SLMAP: variants seen among roughly 807,000 people sequenced by gnomAD.
SLMAP encodes sarcolemmal membrane-associated protein.
In SLMAP, 44 loss-of-function variants were observed where a neutral mutation model predicts 128.8. That is an observed-to-expected ratio of 0.34 (90% CI 0.27 to 0.44). SLMAP has a LOEUF of 0.44. SLMAP is among the 20% of genes least tolerant of loss of function. The probability of loss-of-function intolerance (pLI) is 1.00; values close to 1 mark genes in which losing one functional copy is unlikely to be tolerated. For synonymous variants in SLMAP, 327 were observed against 348.8 expected (o/e 0.94, Z 0.70); for missense variants, 787 against 985.3 (o/e 0.80, Z 2.69).
chr3:57,822,902 T>C (rs1303983118), intron 2 of SLMAP, among the ~76,000 whole-genome samples: 3 of 152,172 alleles, frequency 2.0e-5, no homozygotes, highest in Non-Finnish European at 4.4e-5. Context: ...TAACAGAGAC[T>C]TCAGTGACCA....
chr3:57,800,299 A>T (rs767842604), intron 2 of SLMAP, among the ~76,000 whole-genome samples: 3 of 152,098 alleles, frequency 2.0e-5, no homozygotes, highest in Non-Finnish European at 4.4e-5. Context: ...AGCTGGGATT[A>T]CAGGCATCCA....
At chr3:57,867,543 G>T (rs1418990130) in intron 13 of SLMAP, among the ~76,000 whole-genome samples, 1 of 152,010 alleles carries the variant, frequency 6.6e-6, no homozygotes, top group Non-Finnish European at 1.5e-5. Context: ...TTGAGTTACG[G>T]TATGATAGTG....
chr3:57,915,259 A>C (rs1255149363), intron 21 of SLMAP, among the ~76,000 whole-genome samples: 1 of 152,184 alleles, frequency 6.6e-6, no homozygotes, highest in African/African-American at 2.4e-5. Flanking sequence ...TACTGTTTTC[A>C]ATTATTTCAA....
chr3:57,766,167 T>G (rs1268370713), intron 2 of SLMAP, among the ~76,000 whole-genome samples: 2 of 100,368 alleles, frequency 2.0e-5, no homozygotes, highest in African/African-American at 3.7e-5. Flanking sequence ...CCCGGCTAAT[T>G]TTTTTTTTTT....
chr3:57,922,116 A>G (rs758145270), intron 22 of SLMAP, among the ~76,000 whole-genome samples: 28 of 152,224 alleles, frequency 1.8e-4, no homozygotes, highest in South Asian at 4.1e-4. Context: ...GAACACTTTA[A>G]TACCCAGTAA....
chr3:57,833,743 T>C (rs892427483), intron 3 of SLMAP, among the ~76,000 whole-genome samples: 1 of 152,066 alleles, frequency 6.6e-6, no homozygotes, highest in Non-Finnish European at 1.5e-5. Context: ...TACAGTCTTC[T>C]GTGAAATTTG....
At chr3:57,864,238 T>C (rs2095224908) in intron 10 of SLMAP, among the ~76,000 whole-genome samples, 2 of 152,214 alleles carry the variant, frequency 1.3e-5, no homozygotes, top group East Asian at 3.9e-4. Flanking sequence ...AGAAACCCCG[T>C]CTCTTCTAAA....
At chr3:57,797,289 A>G (rs1294596394) in intron 2 of SLMAP, among the ~76,000 whole-genome samples, 3 of 151,770 alleles carry the variant, frequency 2.0e-5, no homozygotes, top group African/African-American at 7.3e-5. Context: ...GTTTGAGACC[A>G]GCCTGACCAA....
chr3:57,803,550 C>T (rs1296146562), intron 2 of SLMAP, among the ~76,000 whole-genome samples: 1 of 152,020 alleles, frequency 6.6e-6, no homozygotes, highest in Non-Finnish European at 1.5e-5. Context: ...TTTTTGTTTC[C>T]TTGAATGTAA....
rs148742295 is a variant in SLMAP at position 57,758,924 on chromosome 3, CTCTT to C, written c.198+1079_198+1082del. 3.8e-3 allele frequency among the ~76,000 whole-genome samples: 574 copies of C among 152,290 alleles called. 1 individual carries two copies. The highest frequency in any genetic ancestry group is 0.013 in the African/African-American group (553 of 41,560). The stretch of plus-strand genomic sequence containing the variant: ...GGTTTCACCTCCTGACTTTTTGCCC[CTCTT>C]TCTGAGTTAAATAATTAAATCTTTC... On this transcript the variant is annotated intron_variant, in intron 2 of 24. Coordinates refer to ENST00000671191, the MANE Select transcript of SLMAP (RefSeq NM_001377540.1).
At chr3:57,887,959 C>A (rs1056843975) in intron 14 of SLMAP, among the ~76,000 whole-genome samples, 8 of 152,176 alleles carry the variant, frequency 5.3e-5, no homozygotes, top group African/African-American at 1.9e-4. Flanking sequence ...AAAGTATTTC[C>A]TGTAGATTTG....
chr3:57,921,075 A>G (rs1284232127), intron 22 of SLMAP, among the ~76,000 whole-genome samples: 2 of 151,866 alleles, frequency 1.3e-5, no homozygotes, highest in Non-Finnish European at 2.9e-5. Flanking sequence ...AGGCACAGCC[A>G]GTAGCAGAAC....
At chr3:57,859,494 A>G (rs1560282842) in intron 8 of SLMAP, among the ~76,000 whole-genome samples, 1 of 152,164 alleles carries the variant, frequency 6.6e-6, no homozygotes, top group African/African-American at 2.4e-5. Context: ...GTTTGTGATT[A>G]CAGTGAGTTA....
rs753572395 is a variant in SLMAP, at chr3:57,871,638, C to A, written c.1240C>A (p.His414Asn). The stretch of plus-strand genomic sequence containing the variant: ...AAAGGTGTTTCTTTCTTTATTAGAG[C>A]ACTTGCTTTCAAAGAGTGGCGGGGA... ...PKINGSTEKE[H>N]LLSKSGGDCT... The change falls in exon 14 of 25, where the codon CAC (histidine) becomes AAC (asparagine). Residue 414 changes from histidine (H) to asparagine (N), a missense_variant and splice_region_variant. By Grantham distance (68) the His-to-Asn change is moderately conservative. Around this residue, in one of 2 missense-constraint regions of SLMAP, gnomAD observed 715 missense variants for 843.6 expected, o/e 0.85. Coordinates refer to ENST00000671191, the MANE Select transcript of SLMAP (RefSeq NM_001377540.1). The A allele has an allele frequency of 6.2e-7, 1 of 1,611,378 alleles. No individual in the cohort carries two copies. The highest frequency in any genetic ancestry group is 1.3e-5 in the African/African-American group (1 of 74,982).
intron 15 of SLMAP, among the ~76,000 whole-genome samples, chr3:57,894,635 A>C (rs1042167885): frequency 6.6e-6 from 1 of 152,258 alleles, no homozygotes; most frequent in Admixed American, 6.5e-5. Context: ...TTGAGGAAAC[A>C]AAAGACACAA....
intron 3 of SLMAP, among the ~76,000 whole-genome samples, chr3:57,837,127 A>G (rs1040522045): frequency 2.0e-5 from 3 of 152,210 alleles, no homozygotes; most frequent in Non-Finnish European, 4.4e-5. Context: ...GCCCTTGCAC[A>G]TGCTTTTTCC....
chr3:57,908,579 T>G (rs1413163776), intron 18 of SLMAP, among the ~76,000 whole-genome samples: 4 of 152,226 alleles, frequency 2.6e-5, no homozygotes, highest in Non-Finnish European at 5.9e-5. Context: ...GAACTTCTTG[T>G]TACTACTTCT....
intron 2 of SLMAP, among the ~76,000 whole-genome samples, chr3:57,820,562 G>A (rs553559296): frequency 1.2e-4 from 19 of 152,132 alleles, no homozygotes; most frequent in Non-Finnish European, 2.6e-4. Flanking sequence ...CTGTAAACGC[G>A]AGGGCAAATG....
chr3:57,838,915 G>A (rs1182833570), intron 3 of SLMAP, among the ~76,000 whole-genome samples: 1 of 152,102 alleles, frequency 6.6e-6, no homozygotes. Flanking sequence ...ATTGTGCTGG[G>A]CAGAGTTTAG....
Sources: gnomAD v4.1 joint callset for allele counts (sites outside exome capture counted in the v4.1 genomes callset) on GRCh38, gnomAD v4.1.1 for gene constraint, gnomAD v4.1.1 regional missense constraint, MANE v1.5 for transcripts, NCBI Gene and HGNC (gene_info 2026-07-23, HGNC 2026-07-21) for gene names.